The following ADAMTS19 variants were observed in gnomAD, a reference collection of about 807,000 sequenced individuals.
ADAMTS19 encodes the protein A disintegrin and metalloproteinase with thrombospondin motifs 19.
A neutral mutation model predicts 153.3 loss-of-function variants in ADAMTS19; 93 were observed. That is an observed-to-expected ratio of 0.61 (90% CI 0.51 to 0.72). The LOEUF (loss-of-function observed/expected upper bound fraction) is 0.72. Among genes scored for constraint, ADAMTS19 ranks in the 30% least tolerant of loss-of-function variants. ADAMTS19 has a pLI of 0.00. For missense variants in ADAMTS19, 1,482 were observed against 1,552.1 expected, an observed-to-expected ratio of 0.95 and a Z score of 0.76; for synonymous variants, 600 against 556.6, an observed-to-expected ratio of 1.08 and a Z score of -1.10.
At chr5:129,657,586 A>G (rs10062713) in intron 14 of ADAMTS19, among the ~76,000 whole-genome samples, 3,910 of 152,246 alleles carry the variant, frequency 0.026, 157 homozygotes, top group African/African-American at 0.088. Flanking sequence ...ATTCCTATGA[A>G]CGAAATTCTT....
intron 7 of ADAMTS19, among the ~76,000 whole-genome samples, chr5:129,567,864 G>T (rs536518336): frequency 6.6e-6 from 1 of 152,082 alleles, no homozygotes; most frequent in Non-Finnish European, 1.5e-5. Context: ...CACAGCTGGA[G>T]ACATCATAAT....
intron 10 of ADAMTS19, among the ~76,000 whole-genome samples, chr5:129,637,955 G>A (rs1234618857): frequency 6.6e-6 from 1 of 152,068 alleles, no homozygotes; most frequent in Non-Finnish European, 1.5e-5. Context: ...ACAGACCCTG[G>A]GGCCTACTTG....
chr5:129,485,683 A>C (rs1375428124), intron 2 of ADAMTS19, among the ~76,000 whole-genome samples: 1 of 152,224 alleles, frequency 6.6e-6, no homozygotes, highest in Non-Finnish European at 1.5e-5. Context: ...TATGTTGAGA[A>C]AGTTTACAAC....
intron 2 of ADAMTS19, among the ~76,000 whole-genome samples, chr5:129,496,612 G>A (rs1188957473): frequency 6.6e-6 from 1 of 151,854 alleles, no homozygotes; most frequent in Admixed American, 6.6e-5. Flanking sequence ...GTAAGACCTG[G>A]CAGTGATGAG....
chr5:129,622,245 A>G lies in ADAMTS19; in HGVS notation c.1667A>G (p.Asn556Ser), dbSNP rs138105838. 3.9e-4 allele frequency: 637 copies of G among 1,614,026 alleles called. 5 individuals carry two copies. Among genetic ancestry groups the G allele is most frequent in the African/African-American group, 3.2e-4 (24 of 74,924 alleles). The change falls in exon 10 of 23, where the codon AAT becomes AGT. Residue 556 changes from asparagine to serine, a missense_variant. By Grantham distance (46) the Asn-to-Ser change is conservative (BLOSUM62 1). This residue lies in a region of ADAMTS19 where 866 missense variants were observed against 827.7 expected (regional missense o/e 1.05). Transcript: ENST00000274487. ...CTACAAACAAATCCGCAGAGTGTCA[A>G]TTCTGTGATGGTTCCCTCCAAGCTG... ...CLLQTNPQSV[N>S]SVMVPSKLPG...
chr5:129,513,772 G>A (rs1265733614), intron 3 of ADAMTS19, among the ~76,000 whole-genome samples: 2 of 151,864 alleles, frequency 1.3e-5, no homozygotes, highest in Non-Finnish European at 2.9e-5. Flanking sequence ...AACCACTTAT[G>A]CGTTGAGATA....
chr5:129,464,576 A>G (rs947795098), intron 2 of ADAMTS19, among the ~76,000 whole-genome samples: 5 of 152,232 alleles, frequency 3.3e-5, no homozygotes, highest in Admixed American at 2.0e-4. Flanking sequence ...TCTGTACCAA[A>G]GGAAATAGAA....
At chr5:129,722,062 AT>A (rs1757027885) in intron 21 of ADAMTS19, among the ~76,000 whole-genome samples, 3 of 152,184 alleles carry the variant, frequency 2.0e-5, no homozygotes, top group African/African-American at 7.2e-5. Context: ...CAATAAACAT[AT>A]GTGTGTGTGT....
intron 7 of ADAMTS19, among the ~76,000 whole-genome samples, chr5:129,582,068 A>G (rs1749541571): frequency 6.6e-6 from 1 of 151,642 alleles, no homozygotes; most frequent in Non-Finnish European, 1.5e-5. Context: ...AGAAGAATTT[A>G]TATTCTGTTG....
chr5:129,620,592 T>A (rs1451053100), intron 8 of ADAMTS19, 26 bp from the exon 9 acceptor site: 1 of 1,504,950 alleles, frequency 6.6e-7, no homozygotes, highest in East Asian at 2.5e-5. Flanking sequence ...GTGTAAATTT[T>A]AAAATTTTAT....
chr5:129,699,776 A>T (rs1755743861), intron 19 of ADAMTS19, among the ~76,000 whole-genome samples: 1 of 152,230 alleles, frequency 6.6e-6, no homozygotes, highest in Non-Finnish European at 1.5e-5. Flanking sequence ...TTGGTAAGCA[A>T]GATGAGCATA....
chr5:129,652,308 T>C (rs913784924), intron 13 of ADAMTS19, among the ~76,000 whole-genome samples: 1 of 152,234 alleles, frequency 6.6e-6, no homozygotes, highest in Non-Finnish European at 1.5e-5. Context: ...TTTAAAAACA[T>C]GTGACACCTT....
In ADAMTS19 at chr5:129,509,031, T is replaced by C; in HGVS notation, c.748-46T>C. 2.1e-6 allele frequency: 3 copies of C among 1,446,644 alleles called. 1 individual carries two copies. In the South Asian group the frequency reaches 4.1e-5, roughly 20 times the overall value. The allele number at this position is 1,446,644 out of a possible 1,614,324, so 89.6% of individuals were successfully genotyped here. A position where few individuals can be genotyped will look rare whatever the true frequency, so the allele number is the denominator to read the frequency against. On this transcript the variant is annotated intron_variant, in intron 2 of 22. Transcript: ENST00000274487. ...TGAATGGAAGAATCTAAAAGTATTT[T>C]TTCAAATGATATTTCTTACATATCT...
chr5:129,620,551 T>C (rs1751732537), intron 8 of ADAMTS19, 67 bp from the exon 9 acceptor site: 4 of 1,211,102 alleles, frequency 3.3e-6, no homozygotes, highest in Non-Finnish European at 3.2e-6. Context: ...TTAACTGCAG[T>C]TATAAAAAGT....
At chr5:129,720,174 A>ATATAT (rs1463139553) in intron 21 of ADAMTS19, among the ~76,000 whole-genome samples, 14 of 113,328 alleles carry the variant, frequency 1.2e-4, no homozygotes, top group Non-Finnish European at 1.7e-4. Context: ...ATATATATTT[A>ATATAT]TTTTTTTTTT....
chr5:129,536,575 G>T (rs1026689755), intron 6 of ADAMTS19, among the ~76,000 whole-genome samples: 11 of 152,150 alleles, frequency 7.2e-5, no homozygotes, highest in Admixed American at 1.3e-4. Context: ...TATACCCAAA[G>T]GACTGTAAAT....
intron 6 of ADAMTS19, among the ~76,000 whole-genome samples, chr5:129,545,387 T>A (rs1428234627): frequency 6.6e-6 from 1 of 152,104 alleles, no homozygotes; most frequent in Non-Finnish European, 1.5e-5. Flanking sequence ...GGTTAAGAGA[T>A]GCAAATACAC....
chr5:129,558,439 A>G lies in ADAMTS19; in HGVS notation c.1372+6532A>G, dbSNP rs553057838. Among the ~76,000 whole-genome samples, 12 of 152,256 alleles carry G rather than the reference A, an allele frequency of 7.9e-5. No individual in the cohort carries two copies. In the South Asian group the frequency reaches 2.5e-3, roughly 32 times the overall value. ...TGTAAAATATGAAATATATTGAAAT[A>G]TATCTAATGACAAATATGTAAGACA... On this transcript the variant is annotated intron_variant, in intron 7 of 22. Transcript: ENST00000274487.
chr5:129,621,508 A>T (rs1006426269), intron 9 of ADAMTS19, among the ~76,000 whole-genome samples: 2 of 152,176 alleles, frequency 1.3e-5, no homozygotes, highest in African/African-American at 4.8e-5. Flanking sequence ...CCATTTTTCT[A>T]TTAAATGGCT....
Sources: gnomAD v4.1 joint callset for allele counts (sites outside exome capture counted in the v4.1 genomes callset) on GRCh38, gnomAD v4.1.1 for gene constraint, gnomAD v4.1.1 regional missense constraint, MANE v1.5 for transcripts, NCBI Gene and HGNC (gene_info 2026-07-23, HGNC 2026-07-21) for gene names.